NCKAP5: variants seen among roughly 807,000 people sequenced by gnomAD.
NCKAP5 encodes the protein nck-associated protein 5.
Under a neutral mutation model 167.0 loss-of-function variants are expected in NCKAP5, and 92 were observed. The observed-to-expected ratio is 0.55, with a 90% CI of 0.47 to 0.66. The LOEUF is 0.66. Ranked by LOEUF, NCKAP5 falls within the 30% of genes least tolerant of loss-of-function variation. The probability of loss-of-function intolerance (pLI) is 0.00; values close to 1 mark genes in which losing one functional copy is unlikely to be tolerated. For missense variants in NCKAP5, 2,378 were observed against 2,315.0 expected, an observed-to-expected ratio of 1.03 and a Z score of -0.56; for synonymous variants, 891 against 877.4, an observed-to-expected ratio of 1.02 and a Z score of -0.27.
intron 4 of NCKAP5, among the ~76,000 whole-genome samples, chr2:133,265,961 C>T (rs2089182510): frequency 6.6e-6 from 1 of 152,224 alleles, no homozygotes; most frequent in African/African-American, 2.4e-5. Context: ...GGGAGGACCA[C>T]AGAACTCAAG....
intron 8 of NCKAP5, among the ~76,000 whole-genome samples, chr2:132,911,692 C>T (rs1322854735): frequency 1.3e-5 from 2 of 152,202 alleles, no homozygotes; most frequent in South Asian, 2.1e-4. Context: ...CACAGAAGGA[C>T]ATATTTTCCT....
intron 3 of NCKAP5, among the ~76,000 whole-genome samples, chr2:133,313,885 A>G (rs934555081): frequency 5.9e-5 from 9 of 152,192 alleles, no homozygotes; most frequent in Non-Finnish European, 8.8e-5. Flanking sequence ...GCTACTCTAC[A>G]TGAAAGAATT....
chr2:133,547,143 C>A lies in NCKAP5; in HGVS notation c.-62+11907G>T, dbSNP rs1040935357. 5.9e-5 allele frequency among the ~76,000 whole-genome samples: 9 copies of A among 152,324 alleles called. 1 individual carries two copies. Among genetic ancestry groups the A allele is most frequent in the African/African-American group, 2.2e-4 (9 of 41,578 alleles). On this transcript the variant is annotated intron_variant, in intron 2 of 19. Coordinates refer to ENST00000409261, the MANE Select transcript of NCKAP5 (RefSeq NM_207363.3). ...GACGCACCTGGAAAATTGGGTCACTCCCACCCGAATATTGCGCTATTCGGA... is the reference window on the plus strand; with the variant it reads ...GACGCACCTGGAAAATTGGGTCACTACCACCCGAATATTGCGCTATTCGGA...
At chr2:132,741,743 A>G (rs1015822756) in intron 16 of NCKAP5, among the ~76,000 whole-genome samples, 5 of 152,114 alleles carry the variant, frequency 3.3e-5, no homozygotes, top group Admixed American at 3.3e-4. Context: ...TCCAGCCCTG[A>G]TCCTTAATTG....
intron 4 of NCKAP5, among the ~76,000 whole-genome samples, chr2:133,278,514 C>T (rs1056059542): frequency 6.6e-6 from 1 of 152,132 alleles, no homozygotes; most frequent in East Asian, 1.9e-4. Flanking sequence ...ACACTGGACC[C>T]ACCTGATTAA....
At chr2:133,342,758 A>G (rs1379403729) in intron 3 of NCKAP5, among the ~76,000 whole-genome samples, 1 of 152,186 alleles carries the variant, frequency 6.6e-6, no homozygotes, top group Non-Finnish European at 1.5e-5. Context: ...AAGCACCCAG[A>G]GGTCACTGTG....
chr2:133,603,206 G>GTT, the NCKAP5 span, among the ~76,000 whole-genome samples: 1 of 142,800 alleles, frequency 7.0e-6, no homozygotes, highest in Non-Finnish European at 1.5e-5. Flanking sequence ...GATGGCATCG[G>GTT]TTTTTTTTTT....
At chr2:133,396,845 G>A (rs942729563) in intron 3 of NCKAP5, among the ~76,000 whole-genome samples, 3 of 152,134 alleles carry the variant, frequency 2.0e-5, no homozygotes, top group Non-Finnish European at 4.4e-5. Flanking sequence ...TGGCATCTGT[G>A]GAACTGTAAG....
intron 10 of NCKAP5, among the ~76,000 whole-genome samples, chr2:132,867,225 G>T (rs1690427614): frequency 6.6e-6 from 1 of 152,152 alleles, no homozygotes; most frequent in African/African-American, 2.4e-5. Flanking sequence ...AGCAGCCATG[G>T]GAAGTCTTTC....
At chr2:133,656,590 A>G in the NCKAP5 span, among the ~76,000 whole-genome samples, 1 of 152,050 alleles carries the variant, frequency 6.6e-6, no homozygotes, top group Non-Finnish European at 1.5e-5. Flanking sequence ...CCCACACACC[A>G]CTTCCCTGCT....
intron 3 of NCKAP5, among the ~76,000 whole-genome samples, chr2:133,454,309 C>G (rs534517190): frequency 6.6e-6 from 1 of 152,102 alleles, no homozygotes; most frequent in Admixed American, 6.5e-5. Context: ...TAGAATTATA[C>G]TTCAACATAC....
chr2:132,730,473 C>T (rs563421629), intron 17 of NCKAP5, among the ~76,000 whole-genome samples: 5 of 152,162 alleles, frequency 3.3e-5, no homozygotes, highest in East Asian at 1.9e-4. Flanking sequence ...CCAGCCTGGG[C>T]GACGGAGTGA....
intron 8 of NCKAP5, among the ~76,000 whole-genome samples, chr2:132,916,417 A>C (rs1474631974): frequency 6.6e-6 from 1 of 152,062 alleles, no homozygotes; most frequent in African/African-American, 2.4e-5. Flanking sequence ...GCATAAAAAC[A>C]CACATCATAA....
chr2:132,935,982 T>C (rs1696817307), intron 8 of NCKAP5, among the ~76,000 whole-genome samples: 1 of 121,572 alleles, frequency 8.2e-6, no homozygotes, highest in East Asian at 2.2e-4. Flanking sequence ...TTTTTTTTCT[T>C]TTTTTTTTTT....
chr2:132,675,540 C>T (rs1421873447), intron 19 of NCKAP5, among the ~76,000 whole-genome samples: 2 of 152,120 alleles, frequency 1.3e-5, no homozygotes, highest in South Asian at 2.1e-4. Context: ...AGACCTACTA[C>T]ACCAGAAACT....
chr2:133,394,471 G>T (rs746825128), intron 3 of NCKAP5, among the ~76,000 whole-genome samples: 13 of 152,186 alleles, frequency 8.5e-5, no homozygotes, highest in Non-Finnish European at 1.6e-4. Flanking sequence ...GGAAGCTACT[G>T]CAGGCTACAA....
At chr2:132,894,945 T>C (rs958948641) in intron 8 of NCKAP5, among the ~76,000 whole-genome samples, 2 of 152,142 alleles carry the variant, frequency 1.3e-5, no homozygotes, top group Non-Finnish European at 2.9e-5. Flanking sequence ...GGAATTTAGC[T>C]TGGGCATTGC....
chr2:132,921,103 C>T (rs1695392776), intron 8 of NCKAP5, among the ~76,000 whole-genome samples: 1 of 151,880 alleles, frequency 6.6e-6, no homozygotes, highest in Non-Finnish European at 1.5e-5. Context: ...CATCCTTAAA[C>T]CCTTCCTTGG....
At chr2:132,862,129 C>T (rs181148348) in intron 10 of NCKAP5, among the ~76,000 whole-genome samples, 23 of 152,352 alleles carry the variant, frequency 1.5e-4, no homozygotes, top group Non-Finnish European at 2.4e-4. Context: ...GCCCAAGCCA[C>T]AGTTCTGATG....
Sources: gnomAD v4.1 joint callset for allele counts (sites outside exome capture counted in the v4.1 genomes callset) on GRCh38, gnomAD v4.1.1 for gene constraint, MANE v1.5 for transcripts, NCBI Gene and HGNC (gene_info 2026-07-23, HGNC 2026-07-21) for gene names.